GGACT: variants seen among roughly 807,000 people sequenced by gnomAD.
GGACT encodes gamma-glutamylamine cyclotransferase, also known as gamma-glutamylaminecyclotransferase.
For missense variants in GGACT, 241 were observed against 233.2 expected (o/e 1.03, Z -0.22); for synonymous variants, 118 against 115.3 (o/e 1.02, Z -0.15).
chr13:100,556,518 T>C (rs1432024733), intron 2 of GGACT, among the ~76,000 whole-genome samples: 1 of 152,160 alleles, frequency 6.6e-6, no homozygotes. Context: ...TGATGGATAA[T>C]TTTCACAGTA....
At chr13:100,571,606 C>T (rs908964824) in intron 2 of GGACT, among the ~76,000 whole-genome samples, 2 of 152,144 alleles carry the variant, frequency 1.3e-5, no homozygotes, top group Admixed American at 6.5e-5. Flanking sequence ...AGCCACTGCA[C>T]GCGGCCCAGA....
At chr13:100,572,389 C>T (rs1247450753) in intron 2 of GGACT, among the ~76,000 whole-genome samples, 1 of 152,088 alleles carries the variant, frequency 6.6e-6, no homozygotes, top group Non-Finnish European at 1.5e-5. Flanking sequence ...TTACCAGGAG[C>T]TGGGGGACGG....
At chr13:100,565,230 G>C (rs1326245896) in intron 2 of GGACT, among the ~76,000 whole-genome samples, 6 of 152,130 alleles carry the variant, frequency 3.9e-5, no homozygotes, top group Admixed American at 2.6e-4. Context: ...GCTCAGATCA[G>C]AGTTCAAAAA....
chr13:100,563,771 G>A (rs1403667942), intron 2 of GGACT, among the ~76,000 whole-genome samples: 2 of 152,270 alleles, frequency 1.3e-5, no homozygotes, highest in African/African-American at 2.4e-5. Flanking sequence ...ACAGGAAAGA[G>A]AAGAATGAAT....
At chr13:100,559,162 CATTTT>C (rs2088736086) in intron 2 of GGACT, among the ~76,000 whole-genome samples, 1 of 152,102 alleles carries the variant, frequency 6.6e-6, no homozygotes, top group Non-Finnish European at 1.5e-5. Flanking sequence ...CTGGACTATA[CATTTT>C]ATTTTACTTA....
At position 100,530,415 on chromosome 13, in the gene GGACT, A is replaced by G. The variant is rs2088324293; in HGVS notation, c.*1715T>C. ...TCCCTAGTGTCAAAATTAAATCAATAAAACTGAGCATTTGTCTAAATATTA... is the reference window on the plus strand; with the variant it reads ...TCCCTAGTGTCAAAATTAAATCAATGAAACTGAGCATTTGTCTAAATATTA... On this transcript the variant is annotated 3_prime_UTR_variant, in exon 3 of 3. Transcript: ENST00000683975. 1 of 581,806 alleles carries G rather than the reference A, an allele frequency of 1.7e-6. No homozygotes were observed. Among genetic ancestry groups the G allele is most frequent in the African/African-American group, 1.9e-5 (1 of 53,538 alleles). 36.0% of individuals were successfully genotyped at this position (581,806 alleles called of 1,614,324 possible).
chr13:100,586,158 G>A (rs999447392), intron 1 of GGACT, among the ~76,000 whole-genome samples: 4 of 152,084 alleles, frequency 2.6e-5, no homozygotes, highest in African/African-American at 9.7e-5. Flanking sequence ...GGTGATAATT[G>A]TATTATGGTT....
intron 1 of GGACT, chr13:100,586,976 T>C (rs541922027): frequency 6.6e-6 from 1 of 152,348 alleles, no homozygotes; most frequent in South Asian, 2.1e-4. Flanking sequence ...GGCAGTCATG[T>C]TTAATTGAGA....
At position 100,530,635 on chromosome 13, in the gene GGACT, C is replaced by T. The variant is rs142845479; in HGVS notation, c.*1495G>A. 1 of 247,248 alleles carries T rather than the reference C, an allele frequency of 4.0e-6. No homozygotes were observed. The highest frequency in any genetic ancestry group is 2.3e-5 in the African/African-American group (1 of 43,538). The allele number at this position is 247,248 out of a possible 1,614,324, so 15.3% of individuals were successfully genotyped here. ...TACTTCTAGAAGTGAGGCCCTCACT[C>T]CTGGTGCTGATTTTCAAAACTTCCT... is the stretch of plus-strand genomic sequence containing the variant. On this transcript the variant is annotated 3_prime_UTR_variant, in exon 3 of 3. Transcript: ENST00000683975.
chr13:100,542,261 AC>A (rs1360095462), intron 2 of GGACT, among the ~76,000 whole-genome samples: 1 of 151,872 alleles, frequency 6.6e-6, no homozygotes, highest in African/African-American at 2.4e-5. Context: ...GCAGCCGCTG[AC>A]CCCCCCAGCA....
intron 1 of GGACT, among the ~76,000 whole-genome samples, chr13:100,587,609 T>C (rs1875618212): frequency 6.6e-6 from 1 of 152,232 alleles, no homozygotes; most frequent in Non-Finnish European, 1.5e-5. Flanking sequence ...AGTCTTCACT[T>C]ACAGGTAAAT....
At chr13:100,566,888 C>T (rs1874905194) in intron 2 of GGACT, among the ~76,000 whole-genome samples, 1 of 152,206 alleles carries the variant, frequency 6.6e-6, no homozygotes, top group Admixed American at 6.5e-5. Context: ...AGTGCACAAT[C>T]CCAATTGCAT....
intron 2 of GGACT, 104 bp from the exon 3 acceptor site, chr13:100,532,705 C>G: frequency 2.4e-6 from 2 of 816,908 alleles, no homozygotes; most frequent in Non-Finnish European, 3.8e-6. Context: ...GGCCGCACCA[C>G]CTGAATGCGC....
chr13:100,530,251 A>C lies in GGACT; in HGVS notation c.*1879T>G. On this transcript the variant is annotated 3_prime_UTR_variant, in exon 3 of 3. Coordinates refer to ENST00000683975, the MANE Select transcript of GGACT (RefSeq NM_001195087.2). ...CACACAATTGATTCAAGCATTATAC[A>C]GGAACACCCCTGTGCAGCTACGTTT... 9.3e-7 allele frequency: 1 copy of C among 1,074,336 alleles called. No homozygotes were observed. The highest frequency in any genetic ancestry group is 1.4e-6 in the Non-Finnish European group (1 of 694,452). 66.6% of individuals were successfully genotyped at this position (1,074,336 alleles called of 1,614,324 possible). A position where few individuals can be genotyped will look rare whatever the true frequency, so the allele number is the denominator to read the frequency against.
intron 2 of GGACT, chr13:100,537,062 G>A (rs1400882571): frequency 6.6e-6 from 1 of 152,316 alleles, no homozygotes; most frequent in Non-Finnish European, 1.5e-5. Flanking sequence ...TCTAGGTTAA[G>A]TCTGCTGTCA....
At chr13:100,561,603 C>A (rs1266590866) in intron 2 of GGACT, among the ~76,000 whole-genome samples, 3 of 152,176 alleles carry the variant, frequency 2.0e-5, no homozygotes, top group Non-Finnish European at 2.9e-5. Context: ...AAACACCCAG[C>A]AAGTGGTACT....
chr13:100,549,085 C>T (rs2088634407), intron 2 of GGACT, among the ~76,000 whole-genome samples: 1 of 152,216 alleles, frequency 6.6e-6, no homozygotes, highest in African/African-American at 2.4e-5. Flanking sequence ...CAAGGGCTCG[C>T]GGCTGTAATC....
intron 1 of GGACT, among the ~76,000 whole-genome samples, chr13:100,585,660 T>C (rs1234018489): frequency 2.6e-5 from 4 of 151,102 alleles, no homozygotes; most frequent in Non-Finnish European, 5.9e-5. Context: ...CCCAGCTACT[T>C]GGGAGGCTGA....
intron 1 of GGACT, chr13:100,586,795 TAA>T (rs1875590934): frequency 6.6e-6 from 1 of 152,252 alleles, no homozygotes; most frequent in Non-Finnish European, 1.5e-5. Flanking sequence ...TTCCAATAGC[TAA>T]GTCTTTTCTG....
Sources: allele counts gnomAD v4.1 joint callset (sites outside exome capture counted in the v4.1 genomes callset), GRCh38; gene constraint gnomAD v4.1.1; transcripts MANE v1.5; gene names NCBI Gene and HGNC (gene_info 2026-07-23, HGNC 2026-07-21).